Variants in SPATA33 observed in about 807,000 individuals in gnomAD.
SPATA33 encodes spermatogenesis associated 33, also known as spermatogenesis-associated protein 33.
SPATA33 carries 10 observed loss-of-function variants against 8.9 expected under a neutral mutation model. The observed-to-expected ratio is 1.12, with a 90% CI of 0.69 to 1.90. The LOEUF is 1.90. Among genes scored for constraint, SPATA33 ranks in the 40% most tolerant of loss-of-function variants. SPATA33 has a pLI of 0.00. For missense variants in SPATA33, 241 were observed against 178.3 expected (o/e 1.35, Z -2.00); for synonymous variants, 96 against 72.8 (o/e 1.32, Z -1.63).
chr16:89,662,716 C>T (rs990659671), intron 2 of SPATA33, among the ~76,000 whole-genome samples: 31 of 152,276 alleles, frequency 2.0e-4, no homozygotes, highest in African/African-American at 5.5e-4. Context: ...CGTGAGCCAC[C>T]GCACCTGGCC....
At chr16:89,669,033 C>T (rs191058232) in intron 2 of SPATA33, among the ~76,000 whole-genome samples, 3 of 152,274 alleles carry the variant, frequency 2.0e-5, no homozygotes, top group South Asian at 4.1e-4. Flanking sequence ...CATCCTGCCA[C>T]GGATAGTGGA....
rs144192291 is a variant in SPATA33, at chr16:89,658,742, C to G, written c.211+321C>G. The G allele has an allele frequency of 1.4e-3, 579 of 401,044 alleles. 2 individuals are homozygous for G. The highest frequency in any genetic ancestry group is 0.011 in the African/African-American group (546 of 49,524). The allele number at this position is 401,044 out of a possible 1,614,324, so 24.8% of individuals were successfully genotyped here. On this transcript the variant is annotated intron_variant, in intron 2 of 2. Transcript: ENST00000579310. ...GGTATCTTGGTGCCACTGAGAATCCCTGAGCCTCCGCACACTGGAACAGAG... is the reference window on the plus strand; with the variant it reads ...GGTATCTTGGTGCCACTGAGAATCCGTGAGCCTCCGCACACTGGAACAGAG...
intron 2 of SPATA33, among the ~76,000 whole-genome samples, chr16:89,668,742 C>T (rs369552379): frequency 2.0e-5 from 3 of 152,362 alleles, no homozygotes; most frequent in African/African-American, 4.8e-5. Context: ...GGAGAGCAGC[C>T]GGTGAAGGAG....
rs1407987540 is a variant in SPATA33 at position 89,660,763 on chromosome 16, T to A, written c.211+2342T>A. On this transcript the variant is annotated intron_variant, in intron 2 of 2. Transcript: ENST00000579310. ...GCCACAGCTGAGCACAAGAGGACTT[T>A]GGAGGGTGATGGAAATGGTTTTCGA... 1.2e-5 allele frequency: 10 copies of A among 869,262 alleles called. No homozygotes were observed. In the Admixed American group the frequency reaches 1.3e-4, roughly 11 times the overall value. The allele number at this position is 869,262 out of a possible 1,614,324, so 53.8% of individuals were successfully genotyped here. A position where few individuals can be genotyped will look rare whatever the true frequency, so the allele number is the denominator to read the frequency against.
chr16:89,662,239 A>C (rs1365120294), intron 2 of SPATA33, among the ~76,000 whole-genome samples: 2 of 151,662 alleles, frequency 1.3e-5, no homozygotes, highest in African/African-American at 4.8e-5. Context: ...GGTTGCAGTG[A>C]GCCACGATCA....
At chr16:89,665,143 C>T (rs1042387989) in intron 2 of SPATA33, among the ~76,000 whole-genome samples, 10 of 151,920 alleles carry the variant, frequency 6.6e-5, no homozygotes, top group African/African-American at 1.9e-4. Context: ...CCACAGTGCA[C>T]GCCACCACCC....
intron 2 of SPATA33, among the ~76,000 whole-genome samples, chr16:89,664,805 C>A (rs1254495368): frequency 6.6e-6 from 1 of 152,198 alleles, no homozygotes; most frequent in Non-Finnish European, 1.5e-5. Flanking sequence ...GGTCCTCCAG[C>A]TCCTCATGAG....
In SPATA33 at chr16:89,661,455, G is replaced by A. The variant is rs143908503; in HGVS notation, c.211+3034G>A. 27 of 153,390 alleles carry A rather than the reference G, an allele frequency of 1.8e-4. No homozygotes were observed. In the East Asian group the frequency reaches 3.3e-3, roughly 19 times the overall value. The allele number at this position is 153,390 out of a possible 1,614,324, so 9.5% of individuals were successfully genotyped here. A position where few individuals can be genotyped will look rare whatever the true frequency, so the allele number is the denominator to read the frequency against. On this transcript the variant is annotated intron_variant, in intron 2 of 2. Coordinates refer to ENST00000579310, the MANE Select transcript of SPATA33 (RefSeq NM_001271907.2). ...CTACCTTCCGCCGTGATTGTGAGGC[G>A]TCCCCAGCCATGTGGAACTGTAAGT...
At chr16:89,668,690 C>T (rs1053733930) in intron 2 of SPATA33, among the ~76,000 whole-genome samples, 1 of 152,114 alleles carries the variant, frequency 6.6e-6, no homozygotes, top group Non-Finnish European at 1.5e-5. Context: ...TGTGCCCGAG[C>T]TTGTAGCAGT....
At position 89,669,444 on chromosome 16, in the gene SPATA33, C is replaced by T. The variant is rs114292682; in HGVS notation, c.370C>T (p.Arg124Trp). The T allele has an allele frequency of 1.9e-5, 31 of 1,613,866 alleles. No individual in the cohort carries two copies. Among genetic ancestry groups the T allele is most frequent in the Middle Eastern group, 3.4e-4 (2 of 5,832 alleles). The change falls in exon 3 of 3, where the codon CGG becomes TGG. Residue 124 changes from arginine to tryptophan, a missense_variant. Arg to Trp is a moderately radical substitution (Grantham distance 101, BLOSUM62 -3). Transcript: ENST00000579310. ...GCCGGAGGACTGGGGCCCCTACCGGCGGCACAGGAACCCCAGTACAGCAGA... is the reference window on the plus strand; with the variant it reads ...GCCGGAGGACTGGGGCCCCTACCGGTGGCACAGGAACCCCAGTACAGCAGA... ...REPEDWGPYR[R>W]HRNPSTADAY...
intron 2 of SPATA33, among the ~76,000 whole-genome samples, chr16:89,669,033 C>G (rs191058232): frequency 9.2e-5 from 14 of 152,274 alleles, no homozygotes; most frequent in African/African-American, 3.1e-4. Context: ...CATCCTGCCA[C>G]GGATAGTGGA....
At chr16:89,664,172 A>G (rs367712675) in intron 2 of SPATA33, among the ~76,000 whole-genome samples, 35 of 152,364 alleles carry the variant, frequency 2.3e-4, no homozygotes, top group African/African-American at 8.2e-4. Flanking sequence ...ACTGCGTTAA[A>G]ATGTTAAACC....
At chr16:89,658,476 C>G in intron 2 of SPATA33, 55 bp downstream of exon 2, 2 of 1,547,852 alleles carry the variant, frequency 1.3e-6, no homozygotes, top group Non-Finnish European at 1.7e-6. Flanking sequence ...GGATCTGGGG[C>G]TGGGGTGAGG....
Position 89,658,406 on chromosome 16 carries a change from G to A in SPATA33, c.196G>A (p.Ala66Thr). 24 of 1,609,748 alleles carry A rather than the reference G, an allele frequency of 1.5e-5. No individual in the cohort carries two copies. The highest frequency in any genetic ancestry group is 2.2e-5 in the East Asian group (1 of 44,830). ...CGGGACAGCCAAGCACCCGCCGCCG[G>A]CAGCTTCGCTGGAAGGTAGGAGACG... is the stretch of plus-strand genomic sequence containing the variant. ...GAGTAKHPPP[A>T]ASLEEKPDVK... Residue 66 changes from alanine (A) to threonine (T), a missense_variant, in exon 2 of 3, where the codon GCA becomes ACA. Ala to Thr is a moderately conservative substitution (Grantham distance 58). Coordinates refer to ENST00000579310, the MANE Select transcript of SPATA33 (RefSeq NM_001271907.2).
rs572946310 is a variant in SPATA33, at chr16:89,658,415, C to G, written c.205C>G (p.Leu69Val). The change falls in exon 2 of 3, where the codon CTG (leucine) becomes GTG (valine). Residue 69 changes from leucine to valine, a missense_variant. Coordinates refer to ENST00000579310, the MANE Select transcript of SPATA33 (RefSeq NM_001271907.2). Reference protein sequence around the residue: ...TAKHPPPAASLEEKPDVKQKS... With the variant: ...TAKHPPPAASVEEKPDVKQKS... Reference sequence around the variant, plus strand: ...CAAGCACCCGCCGCCGGCAGCTTCGCTGGAAGGTAGGAGACGGCGGGAGGG... The same window carrying G: ...CAAGCACCCGCCGCCGGCAGCTTCGGTGGAAGGTAGGAGACGGCGGGAGGG... 6.2e-6 allele frequency: 10 copies of G among 1,607,578 alleles called. No homozygotes were observed. Among genetic ancestry groups the G allele is most frequent in the Non-Finnish European group, 8.5e-6 (10 of 1,177,720 alleles).
intron 2 of SPATA33, among the ~76,000 whole-genome samples, chr16:89,663,203 G>A (rs527441727): frequency 6.6e-6 from 1 of 151,318 alleles, no homozygotes; most frequent in South Asian, 2.1e-4. Flanking sequence ...AGTGAAAAAA[G>A]CCAATCCCAG....
At chr16:89,663,278 C>T (rs1379394169) in intron 2 of SPATA33, among the ~76,000 whole-genome samples, 1 of 148,728 alleles carries the variant, frequency 6.7e-6, no homozygotes, top group African/African-American at 2.5e-5. Flanking sequence ...GCAAATGGCA[C>T]GATCTTGGCT....
intron 2 of SPATA33, chr16:89,660,878 C>A (rs117185371): frequency 5.5e-6 from 6 of 1,097,952 alleles, no homozygotes; most frequent in Non-Finnish European, 4.4e-6. Context: ...AGCAAACAAG[C>A]CTTTAGTGAT....
At position 89,657,853 on chromosome 16, in the gene SPATA33, C is replaced by A. The variant is rs533191161; in HGVS notation, c.-59C>A. 13 of 1,509,364 alleles carry A rather than the reference C, an allele frequency of 8.6e-6. No individual in the cohort carries two copies. The Admixed American group carries it at 1.5e-4, about 17-fold the overall frequency. The allele number at this position is 1,509,364 out of a possible 1,614,324, so 93.5% of individuals were successfully genotyped here. A position where few individuals can be genotyped will look rare whatever the true frequency, so the allele number is the denominator to read the frequency against. ...GACCTTTTGTGAGTCGCTCCCGGCTCCGCGGCCGCGGAGGTGTGGGGACCC... is the reference window on the plus strand; with the variant it reads ...GACCTTTTGTGAGTCGCTCCCGGCTACGCGGCCGCGGAGGTGTGGGGACCC... On this transcript the variant is annotated 5_prime_UTR_variant, in exon 1 of 3. Transcript: ENST00000579310.
Sources: allele counts gnomAD v4.1 joint callset (sites outside exome capture counted in the v4.1 genomes callset), GRCh38; gene constraint gnomAD v4.1.1; transcripts MANE v1.5; gene names NCBI Gene and HGNC (gene_info 2026-07-23, HGNC 2026-07-21).